CTU2: variants seen among roughly 807,000 people sequenced by gnomAD.
CTU2 encodes cytoplasmic tRNA 2-thiolation protein 2.
In CTU2, 80 loss-of-function variants were observed where a neutral mutation model predicts 64.1. The observed-to-expected ratio is 1.25, with a 90% CI of 1.04 to 1.50. The LOEUF is 1.50. Ranked by LOEUF, CTU2 falls within the 40% of genes most tolerant of loss-of-function variation. CTU2 has a pLI of 0.00. For missense variants in CTU2, 1,110 were observed against 690.2 expected, an observed-to-expected ratio of 1.61 and a Z score of -6.81; for synonymous variants, 482 against 285.3, an observed-to-expected ratio of 1.69 and a Z score of -6.95.
rs199595468 is a variant in CTU2 at position 88,707,792 on chromosome 16, G to GTTT, written c.143+587_143+589dup. 1.9e-3 allele frequency among the ~76,000 whole-genome samples: 187 copies of GTTT among 96,440 alleles called. 2 individuals are homozygous for GTTT. The South Asian group carries it at 0.03, about 15-fold the overall frequency. The allele number at this position is 96,440 out of a possible 152,430, so 63.3% of individuals were successfully genotyped here. ...TCTTAATTCCCAGTGGTGGTGCGTG[G>GTTT]TTTTTTTGTTGTTGTTGTTGTTTTT... On this transcript the variant is annotated intron_variant, in intron 2 of 14. Coordinates refer to ENST00000453996, the MANE Select transcript of CTU2 (RefSeq NM_001012759.3).
intron 2 of CTU2, among the ~76,000 whole-genome samples, chr16:88,708,674 G>A (rs998202340): frequency 6.6e-6 from 1 of 152,098 alleles, no homozygotes; most frequent in African/African-American, 2.4e-5. Flanking sequence ...GGGTCATTCG[G>A]CCTCTTGTAC....
rs765815294 is a variant in CTU2, at chr16:88,714,664, C to G, written c.1279C>G (p.Arg427Gly). The G allele has an allele frequency of 5.6e-6, 9 of 1,612,456 alleles. No individual in the cohort carries two copies. The East Asian group carries it at 2.0e-4, about 36-fold the overall frequency. ...GTCACCCATCCCCCTGACTGAGACCCGGACACCCCCGGGGCCCTGCTGTTC... is the reference window on the plus strand; with the variant it reads ...GTCACCCATCCCCCTGACTGAGACCGGGACACCCCCGGGGCCCTGCTGTTC... ...MQSPIPLTET[R>G]TPPGPCCSPG... Residue 427 changes from arginine to glycine, a missense_variant, in exon 12 of 15, where the codon CGG becomes GGG. Arg to Gly is a moderately radical substitution (Grantham distance 125). Transcript: ENST00000453996.
At chr16:88,708,404 G>A (rs1266730920) in intron 2 of CTU2, among the ~76,000 whole-genome samples, 2 of 152,092 alleles carry the variant, frequency 1.3e-5, no homozygotes, top group East Asian at 3.8e-4. Flanking sequence ...CAGGAGCCCA[G>A]ACGCAGCATG....
intron 7 of CTU2, 71 bp from the exon 8 acceptor site, chr16:88,713,241 C>T: frequency 4.6e-6 from 5 of 1,098,220 alleles, no homozygotes; most frequent in South Asian, 1.5e-5. Context: ...CCCTGACCCC[C>T]ACTCATACCC....
intron 2 of CTU2, among the ~76,000 whole-genome samples, 199 bp downstream of exon 2, chr16:88,707,409 G>C (rs1164139776): frequency 6.6e-6 from 1 of 152,224 alleles, no homozygotes; most frequent in Non-Finnish European, 1.5e-5. Context: ...TTTCCCATGA[G>C]CTAGCCACAG....
At chr16:88,710,148 C>T in intron 3 of CTU2, 75 bp from the exon 4 acceptor site, 1 of 1,590,664 alleles carries the variant, frequency 6.3e-7, no homozygotes. Context: ...GACTCGATGT[C>T]CTAGATGTCC....
At position 88,712,687 on chromosome 16, in the gene CTU2, C is replaced by A; in HGVS notation, c.519C>A (p.Ala173=). 1 of 1,610,546 alleles carries A rather than the reference C, an allele frequency of 6.2e-7. No individual in the cohort carries two copies. The highest frequency in any genetic ancestry group is 8.5e-7 in the Non-Finnish European group (1 of 1,179,510). ...SAQELVGSEG[A]YKAAVDSFLQ... is the part of the protein sequence containing the mutation. ...AGGAGCTGGTGGGATCCGAGGGGGC[C>A]TACAAGGCGGCCGTGGACAGCTTCC... is the stretch of plus-strand genomic sequence containing the variant. Residue 173 remains alanine (A), a synonymous_variant, in exon 7 of 15, where the codon GCC becomes GCA. Coordinates refer to ENST00000453996, the MANE Select transcript of CTU2 (RefSeq NM_001012759.3).
intron 13 of CTU2, 55 bp from the exon 14 acceptor site, chr16:88,714,993 G>A: frequency 6.3e-7 from 1 of 1,596,834 alleles, no homozygotes; most frequent in Non-Finnish European, 8.5e-7. Context: ...CTCGTGGGTG[G>A]CTTGAGGGGG....
chr16:88,711,801 A>G (rs1911344348), intron 5 of CTU2, 106 bp downstream of exon 5: 1 of 1,107,662 alleles, frequency 9.0e-7, no homozygotes, highest in Middle Eastern at 2.4e-4. Flanking sequence ...TCCCTCTGGT[A>G]GGATGTGTTG....
intron 2 of CTU2, 128 bp from the exon 3 acceptor site, chr16:88,709,810 G>T (rs1911170591): frequency 2.4e-6 from 2 of 821,728 alleles, no homozygotes; most frequent in East Asian, 2.4e-5. Context: ...TCTGGACAGA[G>T]CCTGGATGTG....
intron 6 of CTU2, 49 bp from the exon 7 acceptor site, chr16:88,712,573 G>C (rs935522164): frequency 6.3e-7 from 1 of 1,584,448 alleles, no homozygotes; most frequent in Admixed American, 1.7e-5. Context: ...TCTGTGGGGG[G>C]CACCTGCCCG....
chr16:88,706,566 G>A lies in CTU2; in HGVS notation c.36G>A (p.Ala12=), dbSNP rs574986145. The A allele has an allele frequency of 9.3e-5, 136 of 1,456,766 alleles. No homozygotes were observed. In the African/African-American group the frequency reaches 1.8e-3, roughly 19 times the overall value. 90.2% of individuals were successfully genotyped at this position (1,456,766 alleles called of 1,614,324 possible). Reference sequence around the variant, plus strand: ...TGGGCGAGGACTACGGGGAGCCGGCGCCTGAGGAGCCGCCCCCGGCGCCGC... The same window carrying A: ...TGGGCGAGGACTACGGGGAGCCGGCACCTGAGGAGCCGCCCCCGGCGCCGC... ...CQVGEDYGEP[A]PEEPPPAPRP... is the part of the protein sequence containing the mutation. Residue 12 remains alanine (A), a synonymous_variant, in exon 1 of 15, where the codon GCG becomes GCA. Transcript: ENST00000453996.
chr16:88,710,140 C>G, intron 3 of CTU2, 83 bp from the exon 4 acceptor site: 5 of 1,580,142 alleles, frequency 3.2e-6, no homozygotes, highest in Non-Finnish European at 4.3e-6. Context: ...TGAGGACAGA[C>G]TCGATGTCCT....
rs753194868 is a variant in CTU2 at position 88,714,162 on chromosome 16, G to C, written c.1032G>C (p.Arg344=). ...CCCCTGAAAAGGCCAGCATCCACCG[G>C]CTGATGGAGGCCTTCATCCTCAGGC... ...TKAPEKASIH[R]LMEAFILRLQ... is the part of the protein sequence containing the mutation. The change falls in exon 10 of 15, where the codon CGG becomes CGC. Residue 344 remains arginine (R), a synonymous_variant. Coordinates refer to ENST00000453996, the MANE Select transcript of CTU2 (RefSeq NM_001012759.3). 1.2e-5 allele frequency: 20 copies of C among 1,612,604 alleles called. No homozygotes were observed. Among genetic ancestry groups the C allele is most frequent in the Non-Finnish European group, 1.7e-5 (20 of 1,179,908 alleles).
At chr16:88,707,083 G>A in intron 1 of CTU2, 53 bp from the exon 2 acceptor site, 1 of 1,575,160 alleles carries the variant, frequency 6.3e-7, no homozygotes, top group Non-Finnish European at 8.7e-7. Flanking sequence ...CCCACTAGGC[G>A]TGGGGAAGAT....
intron 1 of CTU2, 173 bp from the exon 2 acceptor site, chr16:88,706,963 C>T: frequency 1.5e-6 from 1 of 654,660 alleles, no homozygotes; most frequent in South Asian, 1.9e-5. Flanking sequence ...CCCCCAGAGC[C>T]TTTGTTTTTC....
intron 2 of CTU2, chr16:88,709,435 C>T (rs1911144339): frequency 6.4e-6 from 1 of 155,360 alleles, no homozygotes; most frequent in Non-Finnish European, 1.4e-5. Flanking sequence ...ATACTGAGCC[C>T]TCGCTGTGGC....
intron 4 of CTU2, 181 bp downstream of exon 4, chr16:88,710,463 A>G: frequency 6.5e-6 from 4 of 615,212 alleles, no homozygotes. Flanking sequence ...AGCTGAGTCC[A>G]CAGTGTGTGT....
chr16:88,706,644 GC>G, intron 1 of CTU2, 46 bp downstream of exon 1: 1 of 1,313,504 alleles, frequency 7.6e-7, no homozygotes, highest in Non-Finnish European at 9.8e-7. Context: ...TCGCCTTCCC[GC>G]CGCACTCCTG....
Sources: gnomAD v4.1 joint callset for allele counts (sites outside exome capture counted in the v4.1 genomes callset) on GRCh38, gnomAD v4.1.1 for gene constraint, MANE v1.5 for transcripts, NCBI Gene and HGNC (gene_info 2026-07-23, HGNC 2026-07-21) for gene names.